Variants in KPNA7 observed in about 807,000 individuals in gnomAD.
The protein encoded by KPNA7 is karyopherin subunit alpha 7, also known as importin subunit alpha-8.
KPNA7 carries 54 observed loss-of-function variants against 53.7 expected under a neutral mutation model. That is an observed-to-expected ratio of 1.01 (90% CI 0.81 to 1.26). KPNA7 has a LOEUF of 1.26. Among genes scored for constraint, KPNA7 ranks in the 50% most tolerant of loss-of-function variants. The probability of loss-of-function intolerance (pLI) is 0.00; values close to 1 mark genes in which losing one functional copy is unlikely to be tolerated. For synonymous variants in KPNA7, 276 were observed against 259.3 expected, an observed-to-expected ratio of 1.06 and a Z score of -0.62; for missense variants, 640 against 644.5, an observed-to-expected ratio of 0.99 and a Z score of 0.07.
At chr7:99,212,037 G>A (rs1033815363), upstream of KPNA7, among the ~76,000 whole-genome samples, 1 of 152,026 alleles carries the variant, frequency 6.6e-6, no homozygotes, top group Non-Finnish European at 1.5e-5. Context: ...GCTGCCCAGG[G>A]AGCCCTCACA....
chr7:99,216,146 C>T (rs1390403884), intron 1 of KPNA7, among the ~76,000 whole-genome samples: 2 of 152,020 alleles, frequency 1.3e-5, no homozygotes, highest in Non-Finnish European at 2.9e-5. Flanking sequence ...CTCACCTCAG[C>T]CTCCCAAAGG....
intron 1 of KPNA7, among the ~76,000 whole-genome samples, chr7:99,217,619 C>CTTTTTTTTTT (rs10616354): frequency 5.0e-5 from 2 of 39,850 alleles, no homozygotes; most frequent in African/African-American, 2.2e-4. Flanking sequence ...TCCACCTTGC[C>CTTTTTTTTTT]TTTTTTTTTT....
At chr7:99,169,044 T>C (rs1041407478), downstream of KPNA7, among the ~76,000 whole-genome samples, 2 of 151,782 alleles carry the variant, frequency 1.3e-5, no homozygotes, top group African/African-American at 2.4e-5. Flanking sequence ...AAAAATTACC[T>C]GGCCGTGGTG....
In KPNA7 at chr7:99,182,035, A is replaced by G. The variant is rs1789278272; in HGVS notation, c.1165T>C (p.Trp389Arg). The change falls in exon 9 of 11, where the codon TGG becomes CGG. Residue 389 changes from tryptophan to arginine, a missense_variant. Coordinates refer to ENST00000327442, the MANE Select transcript of KPNA7 (RefSeq NM_001145715.3). ...GEFKVQKEAV[W>R]MVANFATGAT... ...CCTGTTGCAAAGTTCGCCACCATCC[A>G]GACAGCCTCTTTCTGGACTTTAAAT... 2 of 1,544,210 alleles carry G rather than the reference A, an allele frequency of 1.3e-6. No individual in the cohort carries two copies. Among genetic ancestry groups the G allele is most frequent in the Middle Eastern group, 1.7e-4 (1 of 5,970 alleles).
intron 10 of KPNA7, 80 bp downstream of exon 10, chr7:99,177,840 C>T: frequency 1.4e-6 from 2 of 1,458,482 alleles, no homozygotes; most frequent in Non-Finnish European, 1.8e-6. Flanking sequence ...CGCAACAGCC[C>T]AGGCCCCGGC....
At chr7:99,204,994 C>A (rs1389051412) in intron 2 of KPNA7, among the ~76,000 whole-genome samples, 1 of 152,152 alleles carries the variant, frequency 6.6e-6, no homozygotes, top group African/African-American at 2.4e-5. Flanking sequence ...ACTTTTGTAC[C>A]TTTCTCTCTT....
At chr7:99,151,533 C>G in the KPNA7 span, among the ~76,000 whole-genome samples, 3 of 151,482 alleles carry the variant, frequency 2.0e-5, no homozygotes, top group Admixed American at 6.6e-5. Flanking sequence ...TCACTGCAGT[C>G]TCCACTTCCT....
At chr7:99,208,317 G>A (rs1221076590), upstream of KPNA7, among the ~76,000 whole-genome samples, 2 of 151,858 alleles carry the variant, frequency 1.3e-5, no homozygotes, top group African/African-American at 2.4e-5. Flanking sequence ...GTGCGGTGGC[G>A]CAATCTTGGC....
chr7:99,199,072 A>T lies in KPNA7; in HGVS notation c.202-2906T>A, dbSNP rs1009017268. 3.5e-3 allele frequency among the ~76,000 whole-genome samples: 447 copies of T among 127,862 alleles called. 1 individual carries two copies. In the Middle Eastern group the frequency reaches 0.047, roughly 14 times the overall value. The allele number at this position is 127,862 out of a possible 152,430, so 83.9% of individuals were successfully genotyped here. A position where few individuals can be genotyped will look rare whatever the true frequency, so the allele number is the denominator to read the frequency against. On this transcript the variant is annotated intron_variant, in intron 3 of 10. Coordinates refer to ENST00000327442, the MANE Select transcript of KPNA7 (RefSeq NM_001145715.3). ...AGTTATATGCTGCAAACTGAAAAAA[A>T]AAAAAAAAAAAAAAAAGGACTGAAA... is the stretch of plus-strand genomic sequence containing the variant.
At chr7:99,198,688 G>A (rs1411377882) in intron 3 of KPNA7, among the ~76,000 whole-genome samples, 1 of 152,100 alleles carries the variant, frequency 6.6e-6, no homozygotes, top group Non-Finnish European at 1.5e-5. Flanking sequence ...AATGGTGAAA[G>A]TCTAAAAGAT....
chr7:99,193,173 AAG>A, intron 5 of KPNA7, 72 bp from the exon 6 acceptor site: 2 of 937,832 alleles, frequency 2.1e-6, no homozygotes, highest in Non-Finnish European at 3.1e-6. Context: ...CTAATTTTTT[AAG>A]AGTGTGCAAA....
chr7:99,216,935 G>A (rs551769236), intron 1 of KPNA7, among the ~76,000 whole-genome samples: 1 of 152,106 alleles, frequency 6.6e-6, no homozygotes, highest in African/African-American at 2.4e-5. Context: ...GTATTGAGTC[G>A]CTTCCTCTGG....
the KPNA7 span, among the ~76,000 whole-genome samples, chr7:99,147,039 T>A: frequency 5.3e-5 from 8 of 152,202 alleles, no homozygotes; most frequent in Non-Finnish European, 1.5e-5. Context: ...AATAGTATCT[T>A]TCACCACAGC....
chr7:99,203,949 G>T (rs1332887360), intron 2 of KPNA7, among the ~76,000 whole-genome samples: 1 of 152,052 alleles, frequency 6.6e-6, no homozygotes, highest in Non-Finnish European at 1.5e-5. Flanking sequence ...AGGCTCAAGT[G>T]ATCTACCTGC....
intron 6 of KPNA7, among the ~76,000 whole-genome samples, chr7:99,192,206 T>C (rs992572083): frequency 6.6e-6 from 1 of 152,026 alleles, no homozygotes. Flanking sequence ...TATAAATAAC[T>C]CCCACAGGCT....
At chr7:99,175,639 T>A (rs1798874269) in intron 10 of KPNA7, among the ~76,000 whole-genome samples, 1 of 151,838 alleles carries the variant, frequency 6.6e-6, no homozygotes. Flanking sequence ...CTCAGCCTCC[T>A]GAGTAGCTGG....
the KPNA7 span, among the ~76,000 whole-genome samples, chr7:99,149,333 G>A: frequency 1.3e-5 from 2 of 152,140 alleles, no homozygotes; most frequent in Admixed American, 6.6e-5. Context: ...GGAAGACTAT[G>A]ACCCACGGAG....
chr7:99,190,348 A>AC (rs1327484134), intron 6 of KPNA7, among the ~76,000 whole-genome samples: 1 of 149,344 alleles, frequency 6.7e-6, no homozygotes, highest in African/African-American at 2.5e-5. Flanking sequence ...AAAAAAAAAA[A>AC]AGCAGAAAAA....
At chr7:99,200,523 T>A (rs1415460868) in intron 3 of KPNA7, among the ~76,000 whole-genome samples, 1 of 152,206 alleles carries the variant, frequency 6.6e-6, no homozygotes, top group Non-Finnish European at 1.5e-5. Context: ...GGTGCCACGA[T>A]ACAGCCTACC....
Sources: gnomAD v4.1 joint callset for allele counts (sites outside exome capture counted in the v4.1 genomes callset) on GRCh38, gnomAD v4.1.1 for gene constraint, MANE v1.5 for transcripts, NCBI Gene and HGNC (gene_info 2026-07-23, HGNC 2026-07-21) for gene names.